The following CARMIL3 variants were observed in gnomAD, a reference collection of about 807,000 sequenced individuals.
CARMIL3 encodes capping protein regulator and myosin 1 linker 3, also known as capping protein, Arp2/3 and myosin-I linker protein 3.
A neutral mutation model predicts 180.8 loss-of-function variants in CARMIL3; 88 were observed. The observed-to-expected ratio is 0.49, with a 90% CI of 0.41 to 0.58. CARMIL3 has a LOEUF of 0.58. CARMIL3 is among the 20% of genes least tolerant of loss of function. The probability of loss-of-function intolerance (pLI) is 0.00; values close to 1 mark genes in which losing one functional copy is unlikely to be tolerated. For synonymous variants in CARMIL3, 696 were observed against 714.5 expected, an observed-to-expected ratio of 0.97 and a Z score of 0.41; for missense variants, 1,548 against 1,787.0, an observed-to-expected ratio of 0.87 and a Z score of 2.41.
intron 11 of CARMIL3, 44 bp from the exon 12 acceptor site, chr14:24,056,578 C>G: frequency 6.3e-7 from 1 of 1,598,204 alleles, no homozygotes; most frequent in Non-Finnish European, 8.6e-7. Context: ...CCTGCACCCA[C>G]TGCCCTGCCC....
Position 24,059,821 on chromosome 14 carries a change from C to A in CARMIL3, c.1868+89C>A. ...GAACTACTCTTGCCCCACCCTAGCC[C>A]CTTTGACCTATTTGCACAGAAATTT... is the stretch of plus-strand genomic sequence containing the variant. On this transcript the variant is annotated intron_variant, in intron 22 of 39. Transcript: ENST00000342740. This position sits in a 1 kb window ranked among gnomAD's most constrained non-coding sequence, Gnocchi z 6.3. The A allele has an allele frequency of 6.5e-7, 1 of 1,544,402 alleles. No homozygotes were observed.
Position 24,053,889 on chromosome 14 carries a change from G to A in CARMIL3, c.135+86G>A, listed in dbSNP as rs567173856. The A allele has an allele frequency of 1.1e-3, 1,367 of 1,298,062 alleles. 4 individuals carry two copies. Among genetic ancestry groups the A allele is most frequent in the Non-Finnish European group, 1.1e-3 (1,021 of 930,652 alleles). The allele number at this position is 1,298,062 out of a possible 1,614,324, so 80.4% of individuals were successfully genotyped here. On this transcript the variant is annotated intron_variant, in intron 2 of 39. Transcript: ENST00000342740. The stretch of plus-strand genomic sequence containing the variant: ...AGGGCAGGGAGCCGGGAGGACAGAA[G>A]AGACAGAAGTGGGTGGACACTGAGG...
intron 11 of CARMIL3, 40 bp downstream of exon 11, chr14:24,056,433 G>C (rs1265734410): frequency 6.3e-7 from 1 of 1,587,148 alleles, no homozygotes; most frequent in Non-Finnish European, 8.6e-7. Context: ...TCCCAATGCA[G>C]ACCCCTGTCC....
At position 24,066,621 on chromosome 14, in the gene CARMIL3, G is replaced by C. The variant is rs767453231; in HGVS notation, c.3647G>C (p.Ser1216Thr). 4.5e-5 allele frequency: 72 copies of C among 1,614,078 alleles called. No individual in the cohort carries two copies. Among genetic ancestry groups the C allele is most frequent in the Non-Finnish European group, 5.3e-5 (62 of 1,180,042 alleles). Residue 1216 changes from serine to threonine, a missense_variant, in exon 36 of 40, where the codon AGC becomes ACC. Around this residue, in one of 4 missense-constraint regions of CARMIL3, gnomAD observed 668 missense variants for 687.8 expected, o/e 0.97. Coordinates refer to ENST00000342740, the MANE Select transcript of CARMIL3 (RefSeq NM_138360.4). ...PPPQSTKPSF[S>T]AMRRAEATWH... ...CCCCAAAGCACCAAACCAAGCTTCA[G>C]CGCCATGCGCAGAGCAGAGGCCACA... is the stretch of plus-strand genomic sequence containing the variant.
rs1359004858 is a variant in CARMIL3 at position 24,059,480 on chromosome 14, A to C, written c.1799+38A>C. On this transcript the variant is annotated intron_variant, in intron 21 of 39. Coordinates refer to ENST00000342740, the MANE Select transcript of CARMIL3 (RefSeq NM_138360.4). The surrounding 1 kb of genome is among the most constrained non-coding windows in gnomAD (Gnocchi z 6.3). The stretch of plus-strand genomic sequence containing the variant: ...CCGGGACCCCCTGACCTGGAGCCCC[A>C]GCCCCTCCCCATATGTACATAATCT... 2 of 1,548,698 alleles carry C rather than the reference A, an allele frequency of 1.3e-6. No homozygotes were observed. The highest frequency in any genetic ancestry group is 2.4e-5 in the South Asian group (2 of 84,356).
In CARMIL3 at chr14:24,061,204, A is replaced by G. The variant is rs942332134; in HGVS notation, c.2304+164A>G. On this transcript the variant is annotated intron_variant, in intron 26 of 39. Transcript: ENST00000342740. The surrounding 1 kb of genome is among the most constrained non-coding windows in gnomAD (Gnocchi z 4.1). Reference sequence around the variant, plus strand: ...TGTACCAAGGCATTGCTGCAATATCAGGCTTGGATTTTTTTCTGCTAGCTT... The same window carrying G: ...TGTACCAAGGCATTGCTGCAATATCGGGCTTGGATTTTTTTCTGCTAGCTT... 2.5e-5 allele frequency: 17 copies of G among 669,890 alleles called. No homozygotes were observed. Among genetic ancestry groups the G allele is most frequent in the Middle Eastern group, 3.3e-4 (1 of 3,066 alleles). The allele number at this position is 669,890 out of a possible 1,614,324, so 41.5% of individuals were successfully genotyped here.
At chr14:24,062,594 G>C (rs376113668) in intron 28 of CARMIL3, 27 bp downstream of exon 28, 52 of 1,613,688 alleles carry the variant, frequency 3.2e-5, no homozygotes, top group Non-Finnish European at 4.2e-5. Flanking sequence ...AGCCTGGCCT[G>C]GCTCGGGCAC....
intron 24 of CARMIL3, 101 bp from the exon 25 acceptor site, chr14:24,060,527 C>T (rs1480429403): frequency 6.6e-7 from 1 of 1,512,690 alleles, no homozygotes; most frequent in East Asian, 2.3e-5. Flanking sequence ...ACATCACCTC[C>T]ACCACTGTCG....
At chr14:24,057,684 C>T (rs2035685292) in intron 14 of CARMIL3, 119 bp from the exon 15 acceptor site, 4 of 843,410 alleles carry the variant, frequency 4.7e-6, no homozygotes, top group Non-Finnish European at 7.5e-6. Flanking sequence ...GGAGCTCACA[C>T]AGGCTGACCA....
At position 24,054,879 on chromosome 14, in the gene CARMIL3, C is replaced by A. The variant is rs2035656774; in HGVS notation, c.460+71C>A. 2 of 1,514,052 alleles carry A rather than the reference C, an allele frequency of 1.3e-6. No individual in the cohort carries two copies. The highest frequency in any genetic ancestry group is 1.8e-6 in the Non-Finnish European group (2 of 1,097,852). The allele number at this position is 1,514,052 out of a possible 1,614,324, so 93.8% of individuals were successfully genotyped here. On this transcript the variant is annotated intron_variant, in intron 6 of 39. Transcript: ENST00000342740. This position sits in a 1 kb window ranked among gnomAD's most constrained non-coding sequence, Gnocchi z 5.1. ...CCCCATGATCAGAGCCCTTTGTGCA[C>A]AGGGTGTTGCCTGGGCGGGCGGGCT...
Position 24,054,182 on chromosome 14 carries a change from A to G in CARMIL3, c.186+44A>G, listed in dbSNP as rs373862094. On this transcript the variant is annotated intron_variant, in intron 3 of 39. Coordinates refer to ENST00000342740, the MANE Select transcript of CARMIL3 (RefSeq NM_138360.4). The surrounding 1 kb of genome is among the most constrained non-coding windows in gnomAD (Gnocchi z 5.1). ...CAGGAGAGCACCTGGCATGCTCCCT[A>G]CCTCCCAAGCCTGGCAACCCAGGTC... The G allele has an allele frequency of 7.4e-6, 12 of 1,613,866 alleles. No individual in the cohort carries two copies. The Admixed American group carries it at 1.7e-4, about 22-fold the overall frequency.
intron 36 of CARMIL3, among the ~76,000 whole-genome samples, chr14:24,066,950 A>G (rs573336171): frequency 6.6e-6 from 1 of 152,230 alleles, no homozygotes; most frequent in Non-Finnish European, 1.5e-5. Flanking sequence ...TCTGGTCACC[A>G]TTGGCACAGT....
intron 29 of CARMIL3, 88 bp from the exon 30 acceptor site, chr14:24,063,032 G>A (rs1458579106): frequency 6.4e-7 from 1 of 1,568,844 alleles, no homozygotes; most frequent in African/African-American, 1.3e-5. Flanking sequence ...GAGGAGCGAG[G>A]GGCAGGATGG....
rs1246559426 is a variant in CARMIL3, at chr14:24,060,739, G to A, written c.2173G>A (p.Ala725Thr). 1.2e-6 allele frequency: 2 copies of A among 1,613,896 alleles called. No homozygotes were observed. The highest frequency in any genetic ancestry group is 1.7e-6 in the Non-Finnish European group (2 of 1,179,926). The change falls in exon 25 of 40, where the codon GCC (alanine) becomes ACC (threonine). Residue 725 changes from alanine to threonine, a missense_variant. Coordinates refer to ENST00000342740, the MANE Select transcript of CARMIL3 (RefSeq NM_138360.4). Reference protein sequence around the residue: ...LLYARDLIKDAKNSRALFPSL... With the variant: ...LLYARDLIKDTKNSRALFPSL... ...CTACGCTCGGGACCTCATCAAAGAT[G>A]CCAAGAACTCCCGGGCGGTGAGCCC... is the stretch of plus-strand genomic sequence containing the variant.
At chr14:24,067,042 G>C (rs1334563619) in intron 36 of CARMIL3, among the ~76,000 whole-genome samples, 1 of 152,228 alleles carries the variant, frequency 6.6e-6, no homozygotes, top group African/African-American at 2.4e-5. Flanking sequence ...AGTACCAGCT[G>C]TGCCAGGCCC....
In CARMIL3 at chr14:24,061,885, G is replaced by T; in HGVS notation, c.2480+213G>T. ...GAGCTGGGGTTTAGGAGCCAAGTTT[G>T]TGCCCACACAGGTGTACACACACAT... On this transcript the variant is annotated intron_variant, in intron 27 of 39. Coordinates refer to ENST00000342740, the MANE Select transcript of CARMIL3 (RefSeq NM_138360.4). The surrounding 1 kb of genome is among the most constrained non-coding windows in gnomAD (Gnocchi z 4.1). The T allele has an allele frequency of 3.4e-6, 2 of 583,000 alleles. No individual in the cohort carries two copies. Among genetic ancestry groups the T allele is most frequent in the Non-Finnish European group, 6.0e-6 (2 of 334,910 alleles). The allele number at this position is 583,000 out of a possible 1,614,324, so 36.1% of individuals were successfully genotyped here.
chr14:24,061,474 G>T lies in CARMIL3; in HGVS notation c.2305-23G>T. ...CTGATCCTGTCCCCCTTGGGCCTCTGGCCTCCCTTTCCCCCATACTAGGTG... is the reference window on the plus strand; with the variant it reads ...CTGATCCTGTCCCCCTTGGGCCTCTTGCCTCCCTTTCCCCCATACTAGGTG... On this transcript the variant is annotated intron_variant, in intron 26 of 39. Coordinates refer to ENST00000342740, the MANE Select transcript of CARMIL3 (RefSeq NM_138360.4). This position sits in a 1 kb window ranked among gnomAD's most constrained non-coding sequence, Gnocchi z 4.1. 2.5e-6 allele frequency: 4 copies of T among 1,603,462 alleles called. No homozygotes were observed. Among genetic ancestry groups the T allele is most frequent in the Non-Finnish European group, 3.4e-6 (4 of 1,174,028 alleles).
At position 24,054,794 on chromosome 14, in the gene CARMIL3, C is replaced by T. The variant is rs756195429; in HGVS notation, c.446C>T (p.Thr149Ile). 1.9e-6 allele frequency: 3 copies of T among 1,613,988 alleles called. No homozygotes were observed. The highest frequency in any genetic ancestry group is 2.2e-5 in the South Asian group (2 of 91,078). Reference protein sequence around the residue: ...SPNSETSTSTTHSVCGGFSET... With the variant: ...SPNSETSTSTIHSVCGGFSET... The stretch of plus-strand genomic sequence containing the variant: ...AACTCTGAGACTTCCACATCTACCA[C>T]CCACAGTGTCTGCGGTGAGCAGGGG... Residue 149 changes from threonine (T) to isoleucine (I), a missense_variant, in exon 6 of 40, where the codon ACC becomes ATC. Transcript: ENST00000342740. The surrounding 1 kb of genome is among the most constrained non-coding windows in gnomAD (Gnocchi z 5.1).
chr14:24,056,705 C>T lies in CARMIL3; in HGVS notation c.949C>T (p.Arg317Ter), dbSNP rs2035675360. ...CCTGGCCAAGACTGCCATTTCCCCT[C>T]GAGGTACTCGCACCAAGGACCCCTG... ...LCLAKTAISP[R>*]GLQALGQTFG... The change falls in exon 12 of 40, where the codon CGA (arginine) becomes TGA (stop). Residue 317 changes from arginine to a stop codon, truncating the protein, a stop_gained. Coordinates refer to ENST00000342740, the MANE Select transcript of CARMIL3 (RefSeq NM_138360.4). LOFTEE classifies it high-confidence loss of function. The T allele has an allele frequency of 3.1e-6, 5 of 1,612,656 alleles. No homozygotes were observed. The highest frequency in any genetic ancestry group is 2.7e-5 in the African/African-American group (2 of 74,926).
Sources: allele counts gnomAD v4.1 joint callset (sites outside exome capture counted in the v4.1 genomes callset), GRCh38; gene constraint gnomAD v4.1.1; regional missense constraint gnomAD v4.1.1; non-coding constraint Gnocchi (gnomAD v3.1); transcripts MANE v1.5; gene names NCBI Gene and HGNC (gene_info 2026-07-23, HGNC 2026-07-21).